Variants in COL25A1 observed in about 807,000 individuals in gnomAD.
COL25A1 encodes the protein collagen alpha-1(XXV) chain.
A neutral mutation model predicts 128.4 loss-of-function variants in COL25A1; 103 were observed. That is an observed-to-expected ratio of 0.80 (90% CI 0.68 to 0.94). The LOEUF (loss-of-function observed/expected upper bound fraction) is 0.94, where lower values mean the gene tolerates loss of function less well. Among genes scored for constraint, COL25A1 ranks in the 40% least tolerant of loss-of-function variants. The pLI, the probability that COL25A1 is intolerant of heterozygous loss-of-function variation, is 0.00. For synonymous variants in COL25A1, 279 were observed against 277.2 expected (o/e 1.01, Z -0.06); for missense variants, 745 against 840.0 (o/e 0.89, Z 1.40).
At chr4:109,102,011 T>C (rs747969533) in intron 3 of COL25A1, among the ~76,000 whole-genome samples, 1 of 152,200 alleles carries the variant, frequency 6.6e-6, no homozygotes, top group Non-Finnish European at 1.5e-5. Flanking sequence ...CTGTGATATT[T>C]TGTCTCCCTT....
intron 2 of COL25A1, 53 bp downstream of exon 2, chr4:109,301,670 G>C: frequency 6.4e-7 from 1 of 1,567,856 alleles, no homozygotes. Context: ...TGCACACAGA[G>C]TCACGCTTGT....
At chr4:108,963,782 T>A (rs1750994171) in intron 8 of COL25A1, among the ~76,000 whole-genome samples, 1 of 151,714 alleles carries the variant, frequency 6.6e-6, no homozygotes, top group South Asian at 2.1e-4. Flanking sequence ...AAAAGAAATA[T>A]AAATGGAATA....
At chr4:109,187,803 T>C (rs990295961) in intron 3 of COL25A1, among the ~76,000 whole-genome samples, 1 of 152,108 alleles carries the variant, frequency 6.6e-6, no homozygotes, top group African/African-American at 2.4e-5. Context: ...TCTCATACTA[T>C]AGCAATGAAA....
intron 13 of COL25A1, among the ~76,000 whole-genome samples, chr4:108,916,032 ACTCT>A (rs1160878501): frequency 1.3e-5 from 2 of 152,090 alleles, no homozygotes; most frequent in African/African-American, 4.8e-5. Context: ...CTTTGTTTTT[ACTCT>A]CTAAGTGACC....
In COL25A1 at chr4:108,866,161, C is replaced by G. The variant is rs1388243086; in HGVS notation, c.1084-2774G>C. On this transcript the variant is annotated intron_variant, in intron 20 of 37. Coordinates refer to ENST00000399132, the MANE Select transcript of COL25A1 (RefSeq NM_198721.4). ...AATAAACAGTATTAGTAAAAGTATT[C>G]TAAAATATTCTGACTATAGTCCCAT... 2.0e-5 allele frequency among the ~76,000 whole-genome samples: 3 copies of G among 150,684 alleles called. No homozygotes were observed. The East Asian group carries it at 5.8e-4, about 29-fold the overall frequency.
intron 3 of COL25A1, among the ~76,000 whole-genome samples, chr4:109,182,170 A>G (rs771975981): frequency 1.6e-4 from 24 of 152,140 alleles, no homozygotes; most frequent in Non-Finnish European, 2.9e-4. Flanking sequence ...GGAAATGCAG[A>G]TATCTTTATG....
intron 3 of COL25A1, among the ~76,000 whole-genome samples, chr4:109,279,220 A>T (rs1723129874): frequency 6.6e-6 from 1 of 152,178 alleles, no homozygotes; most frequent in Non-Finnish European, 1.5e-5. Context: ...TGCATTAATT[A>T]TATGGCTTAC....
chr4:109,153,074 A>G (rs923882525), intron 3 of COL25A1, among the ~76,000 whole-genome samples: 1 of 152,152 alleles, frequency 6.6e-6, no homozygotes, highest in African/African-American at 2.4e-5. Context: ...AAAGATTTAA[A>G]TTACTTTTAA....
chr4:108,849,264 A>G (rs879585993), intron 26 of COL25A1, among the ~76,000 whole-genome samples: 1 of 152,230 alleles, frequency 6.6e-6, no homozygotes, highest in Non-Finnish European at 1.5e-5. Flanking sequence ...ATTTTCAACA[A>G]TATTTTAATT....
chr4:109,130,253 T>C (rs1769054715), intron 3 of COL25A1, among the ~76,000 whole-genome samples: 1 of 152,184 alleles, frequency 6.6e-6, no homozygotes, highest in African/African-American at 2.4e-5. Context: ...CTAGTGTTTA[T>C]TTGCATAATA....
At chr4:109,023,460 C>A (rs1440293470) in intron 5 of COL25A1, among the ~76,000 whole-genome samples, 2 of 152,130 alleles carry the variant, frequency 1.3e-5, no homozygotes, top group Non-Finnish European at 2.9e-5. Flanking sequence ...AACAAGATAC[C>A]AGTGCTTAGG....
At chr4:109,059,865 A>G (rs1402950051) in intron 3 of COL25A1, among the ~76,000 whole-genome samples, 1 of 152,112 alleles carries the variant, frequency 6.6e-6, no homozygotes, top group Non-Finnish European at 1.5e-5. Flanking sequence ...TAAATGGATG[A>G]CCTTTTTTTT....
At chr4:109,097,394 C>T (rs1765487137) in intron 3 of COL25A1, among the ~76,000 whole-genome samples, 1 of 148,666 alleles carries the variant, frequency 6.7e-6, no homozygotes, top group Non-Finnish European at 1.5e-5. Flanking sequence ...CACTTGAGAC[C>T]AGGAGTTTGA....
At position 109,051,128 on chromosome 4, in the gene COL25A1, T is replaced by C. The variant is rs1760941962; in HGVS notation, c.368-949A>G. 5.3e-5 allele frequency among the ~76,000 whole-genome samples: 8 copies of C among 151,566 alleles called. No homozygotes were observed. The South Asian group carries it at 1.7e-3, about 31-fold the overall frequency. On this transcript the variant is annotated intron_variant, in intron 3 of 37. Coordinates refer to ENST00000399132, the MANE Select transcript of COL25A1 (RefSeq NM_198721.4). ...GCCAGGAGAAGAAGGCCAAGGAAAATACAGAACTGCCTGATTTTAAAGAAT... is the reference window on the plus strand; with the variant it reads ...GCCAGGAGAAGAAGGCCAAGGAAAACACAGAACTGCCTGATTTTAAAGAAT...
chr4:108,957,613 C>T (rs1041031792), intron 8 of COL25A1, among the ~76,000 whole-genome samples: 3 of 152,194 alleles, frequency 2.0e-5, no homozygotes, highest in Admixed American at 6.5e-5. Flanking sequence ...ATTTTGTAAT[C>T]TTAGAACTGT....
At chr4:109,033,731 C>T (rs1759081403) in intron 5 of COL25A1, among the ~76,000 whole-genome samples, 1 of 151,816 alleles carries the variant, frequency 6.6e-6, no homozygotes, top group Non-Finnish European at 1.5e-5. Flanking sequence ...AAAATCTAAT[C>T]TTTGCAGGGA....
intron 3 of COL25A1, among the ~76,000 whole-genome samples, chr4:109,178,952 A>G (rs1486972548): frequency 6.6e-6 from 1 of 152,114 alleles, no homozygotes; most frequent in African/African-American, 2.4e-5. Flanking sequence ...TTTGTGACAT[A>G]AAGCCTCAAT....
rs114849748 is a variant in COL25A1, at chr4:109,234,648, C to A, written c.367+65935G>T. Among the ~76,000 whole-genome samples the A allele has an allele frequency of 4.8e-3, 731 of 152,108 alleles. 1 individual carries two copies. Among genetic ancestry groups the A allele is most frequent in the Non-Finnish European group, 8.7e-3 (593 of 67,970 alleles). ...ACTTCCAGACTGGCAGAATAAGGAC[C>A]TCCCAAAATTCACTTCTCCCTGGCA... On this transcript the variant is annotated intron_variant, in intron 3 of 37. Transcript: ENST00000399132.
intron 6 of COL25A1, among the ~76,000 whole-genome samples, chr4:108,986,891 A>AGGCCGGGCGCGGTGGC (rs1753710815): frequency 6.6e-6 from 1 of 152,204 alleles, no homozygotes; most frequent in Non-Finnish European, 1.5e-5. Flanking sequence ...ATATAACAAC[A>AGGCCGGGCGCGGTGGC]TAATATCTAA....
Sources: allele counts gnomAD v4.1 joint callset (sites outside exome capture counted in the v4.1 genomes callset), GRCh38; gene constraint gnomAD v4.1.1; transcripts MANE v1.5; gene names NCBI Gene and HGNC (gene_info 2026-07-23, HGNC 2026-07-21).